Variants in CIB4 observed in about 807,000 individuals in gnomAD.
CIB4 encodes calcium and integrin binding family member 4.
A neutral mutation model predicts 25.8 loss-of-function variants in CIB4; 25 were observed. The ratio of observed to expected loss-of-function variants is 0.97; its 90% CI spans 0.71 to 1.35. The LOEUF (loss-of-function observed/expected upper bound fraction) is 1.35. Among genes scored for constraint, CIB4 ranks in the 40% most tolerant of loss-of-function variants. CIB4 has a pLI of 0.00. For synonymous variants in CIB4, 75 were observed against 81.4 expected (o/e 0.92, Z 0.42); for missense variants, 235 against 228.2 (o/e 1.03, Z -0.19).
chr2:26,613,610 C>T (rs1430319432), intron 3 of CIB4, among the ~76,000 whole-genome samples: 1 of 152,194 alleles, frequency 6.6e-6, no homozygotes, highest in Non-Finnish European at 1.5e-5. Context: ...GGCAGGGCTG[C>T]TATCATTGGA....
rs200165576 is a variant in CIB4, at chr2:26,640,531, A to C, written c.89+2T>G. ...GGAAAGAGGGGCGGGGCTTCTACTC[A>C]CCACAGAATTTCATTTCTGGTCAGG... On this transcript the variant is annotated splice_donor_variant, in intron 2 of 6. Coordinates refer to ENST00000288861, the MANE Select transcript of CIB4 (RefSeq NM_001029881.3). LOFTEE classifies it high-confidence loss of function. 6 of 1,613,188 alleles carry C rather than the reference A, an allele frequency of 3.7e-6. No homozygotes were observed. Among genetic ancestry groups the C allele is most frequent in the South Asian group, 1.1e-5 (1 of 90,970 alleles).
intron 3 of CIB4, among the ~76,000 whole-genome samples, chr2:26,623,201 G>A (rs1340534693): frequency 6.6e-6 from 1 of 151,680 alleles, no homozygotes; most frequent in African/African-American, 2.4e-5. Context: ...AAATTAGCTG[G>A]GTGTGGTGGT....
intron 3 of CIB4, among the ~76,000 whole-genome samples, chr2:26,626,973 G>A (rs954094937): frequency 2.0e-5 from 3 of 152,186 alleles, no homozygotes; most frequent in Admixed American, 2.0e-4. Flanking sequence ...TTATAGATGG[G>A]GGGATATACA....
intron 5 of CIB4, 71 bp from the exon 6 acceptor site, chr2:26,582,984 G>T: frequency 9.6e-7 from 1 of 1,045,758 alleles, no homozygotes; most frequent in Non-Finnish European, 1.5e-6. Flanking sequence ...ACAGGGTGGA[G>T]GGGGAAAGCC....
intron 3 of CIB4, among the ~76,000 whole-genome samples, chr2:26,613,362 T>C (rs1183309262): frequency 1.3e-5 from 2 of 152,182 alleles, no homozygotes; most frequent in African/African-American, 4.8e-5. Context: ...TTCCCAAGTC[T>C]TTCTGCAGGT....
chr2:26,605,082 T>C (rs1668862658), intron 3 of CIB4, among the ~76,000 whole-genome samples: 1 of 152,182 alleles, frequency 6.6e-6, no homozygotes, highest in African/African-American at 2.4e-5. Flanking sequence ...AAAATGTTAT[T>C]TGAACACAAC....
intron 3 of CIB4, among the ~76,000 whole-genome samples, chr2:26,601,744 T>C (rs189681290): frequency 2.2e-3 from 340 of 152,254 alleles, no homozygotes; most frequent in African/African-American, 7.9e-3. Flanking sequence ...TAATAATCAC[T>C]AGGTACTTCC....
chr2:26,600,326 C>A (rs953904691), intron 3 of CIB4, among the ~76,000 whole-genome samples: 2 of 152,076 alleles, frequency 1.3e-5, no homozygotes, highest in African/African-American at 4.8e-5. Context: ...ATTGCTTGAA[C>A]TCGGGAGGCA....
chr2:26,592,671 ATTAAG>A (rs1369362890), intron 4 of CIB4, among the ~76,000 whole-genome samples: 1 of 151,734 alleles, frequency 6.6e-6, no homozygotes, highest in Non-Finnish European at 1.5e-5. Context: ...TGTTCTTCAG[ATTAAG>A]TTATTTCTAT....
intron 3 of CIB4, among the ~76,000 whole-genome samples, chr2:26,617,401 T>A (rs954030952): frequency 4.6e-5 from 7 of 152,162 alleles, no homozygotes; most frequent in African/African-American, 1.7e-4. Flanking sequence ...GGCAGGACAG[T>A]CTCTGGGCAA....
chr2:26,589,159 CCCTTCT>C (rs148026615), intron 4 of CIB4, among the ~76,000 whole-genome samples: 50 of 117,816 alleles, frequency 4.2e-4, no homozygotes, highest in African/African-American at 1.3e-3. Context: ...CTTCCCCTTC[CCCTTCT>C]CCTTCTCCTT....
chr2:26,588,866 G>A (rs540052088), intron 4 of CIB4, among the ~76,000 whole-genome samples: 1 of 152,346 alleles, frequency 6.6e-6, no homozygotes, highest in South Asian at 2.1e-4. Flanking sequence ...AGAGAGGAGA[G>A]TGAGCAGTTG....
intron 3 of CIB4, among the ~76,000 whole-genome samples, chr2:26,609,575 C>A (rs1455176746): frequency 6.6e-6 from 1 of 152,084 alleles, no homozygotes; most frequent in Non-Finnish European, 1.5e-5. Context: ...TTCTTGTGAA[C>A]CTCACTCCCA....
Position 26,583,884 on chromosome 2 carries a change from C to T in CIB4, c.343G>A (p.Gly115Ser). The T allele has an allele frequency of 6.2e-7, 1 of 1,611,026 alleles. No individual in the cohort carries two copies. The highest frequency in any genetic ancestry group is 1.1e-5 in the South Asian group (1 of 91,002). Reference protein sequence around the residue: ...AFRIYDFNENGFIDEEDLQRI... With the variant: ...AFRIYDFNENSFIDEEDLQRI... The stretch of plus-strand genomic sequence containing the variant: ...TGCAGATCCTCCTCATCAATGAAGC[C>T]ATTCTCATTAAAATCTGCAAAGAAG... Residue 115 changes from glycine to serine, a missense_variant, in exon 5 of 7, where the codon GGC becomes AGC. Transcript: ENST00000288861.
chr2:26,623,392 C>A, intron 3 of CIB4: 1 of 320,772 alleles, frequency 3.1e-6, no homozygotes, highest in Admixed American at 3.4e-5. Flanking sequence ...TAAAAATACA[C>A]TACCATTCCC....
At chr2:26,607,282 G>C (rs1398712492) in intron 3 of CIB4, among the ~76,000 whole-genome samples, 2 of 152,222 alleles carry the variant, frequency 1.3e-5, no homozygotes, top group East Asian at 3.9e-4. Flanking sequence ...TGCAGCTTTT[G>C]ACTATATTTA....
chr2:26,603,136 C>T (rs1668824581), intron 3 of CIB4, among the ~76,000 whole-genome samples: 1 of 152,190 alleles, frequency 6.6e-6, no homozygotes, highest in Non-Finnish European at 1.5e-5. Flanking sequence ...AAACATCTGA[C>T]AGACCCAAGT....
In CIB4 at chr2:26,617,391, G is replaced by A. The variant is rs1489598268; in HGVS notation, c.186+12019C>T. On this transcript the variant is annotated intron_variant, in intron 3 of 6. Coordinates refer to ENST00000288861, the MANE Select transcript of CIB4 (RefSeq NM_001029881.3). ...TTCTGGAGCTGGATGAAGGCAAGTT[G>A]GCAGGACAGTCTCTGGGCAATTGTG... is the stretch of plus-strand genomic sequence containing the variant. Among the ~76,000 whole-genome samples, 3 of 152,166 alleles carry A rather than the reference G, an allele frequency of 2.0e-5. No homozygotes were observed. The East Asian group carries it at 5.8e-4, about 29-fold the overall frequency.
Position 26,582,822 on chromosome 2 carries a change from T to A in CIB4, c.527+3A>T. ...CAGTCTCACCCCCTCCAGAATGCCT[T>A]ACTTCATGAAATCTGGAGACTTGGC... On this transcript the variant is annotated splice_donor_region_variant and intron_variant, in intron 6 of 6. Transcript: ENST00000288861. 6.2e-7 allele frequency: 1 copy of A among 1,600,840 alleles called. No homozygotes were observed. The highest frequency in any genetic ancestry group is 8.6e-7 in the Non-Finnish European group (1 of 1,168,098).
Sources: gnomAD v4.1 joint callset for allele counts (sites outside exome capture counted in the v4.1 genomes callset) on GRCh38, gnomAD v4.1.1 for gene constraint, MANE v1.5 for transcripts, NCBI Gene and HGNC (gene_info 2026-07-23, HGNC 2026-07-21) for gene names.